The following PRKN variants were observed in gnomAD, a reference collection of about 807,000 sequenced individuals.
The protein encoded by PRKN is E3 ubiquitin-protein ligase parkin.
Under a neutral mutation model 59.5 loss-of-function variants are expected in PRKN, and 56 were observed. The observed-to-expected ratio is 0.94, with a 90% confidence interval of 0.76 to 1.18. The LOEUF (loss-of-function observed/expected upper bound fraction) is 1.18. PRKN is among the 50% of genes most tolerant of loss of function. PRKN has a pLI of 0.00. For missense variants in PRKN, 657 were observed against 596.4 expected (o/e 1.10, Z -1.06); for synonymous variants, 250 against 222.1 (o/e 1.13, Z -1.12).
At chr6:162,393,021 C>T (rs1164844577) in intron 2 of PRKN, among the ~76,000 whole-genome samples, 1 of 152,084 alleles carries the variant, frequency 6.6e-6, no homozygotes, top group Non-Finnish European at 1.5e-5. Context: ...TTGGCTCAAG[C>T]TCTGCGCATC....
chr6:161,569,194 G>C (rs1020381329), intron 8 of PRKN, among the ~76,000 whole-genome samples, 161 bp downstream of exon 8: 8 of 152,180 alleles, frequency 5.3e-5, no homozygotes, highest in African/African-American at 1.9e-4. Context: ...GGATAGAAGA[G>C]GAAAAAAGTG....
chr6:161,564,906 G>A (rs772643357), intron 8 of PRKN, among the ~76,000 whole-genome samples: 9 of 152,280 alleles, frequency 5.9e-5, no homozygotes, highest in East Asian at 1.9e-4. Flanking sequence ...CTCTGACCTC[G>A]TCGGTGCTGA....
intron 7 of PRKN, among the ~76,000 whole-genome samples, chr6:161,614,290 C>A (rs115047734): frequency 6.6e-6 from 1 of 152,156 alleles, no homozygotes; most frequent in African/African-American, 2.4e-5. Context: ...ACCCTCTTTA[C>A]AATTCTGCCT....
rs148503533 is a variant in PRKN, at chr6:161,576,518, T to TA, written c.872-7103dup. Among the ~76,000 whole-genome samples, 471 of 152,272 alleles carry TA rather than the reference T, an allele frequency of 3.1e-3. 23 individuals are homozygous for TA. The East Asian group carries it at 0.082, about 26-fold the overall frequency. On this transcript the variant is annotated intron_variant, in intron 7 of 11. Coordinates refer to ENST00000366898, the MANE Select transcript of PRKN (RefSeq NM_004562.3). The surrounding 1 kb of genome is among the most constrained non-coding windows in gnomAD (Gnocchi z 4.6). ...AAATGACCATCAACAGAAGAAGAGA[T>TA]AAAATCATTCAACAAATAGCCATTG...
At chr6:161,670,880 A>G (rs1471206922) in intron 7 of PRKN, among the ~76,000 whole-genome samples, 2 of 152,100 alleles carry the variant, frequency 1.3e-5, no homozygotes, top group African/African-American at 4.8e-5. Context: ...CAAATCCAGT[A>G]TGACCTTATC....
rs536516010 is a variant in PRKN, at chr6:162,436,262, A to C, written c.171+7048T>G. Among the ~76,000 whole-genome samples the C allele has an allele frequency of 2.6e-5, 4 of 152,024 alleles. No individual in the cohort carries two copies. The East Asian group carries it at 5.8e-4, about 22-fold the overall frequency. ...TTCAATAAATTTAGTTCAGAAATGA[A>C]GCCATTACATCCCTAAATTCTATTA... is the stretch of plus-strand genomic sequence containing the variant. On this transcript the variant is annotated intron_variant, in intron 2 of 11. Coordinates refer to ENST00000366898, the MANE Select transcript of PRKN (RefSeq NM_004562.3).
chr6:161,937,689 A>C (rs1033832959), intron 6 of PRKN, among the ~76,000 whole-genome samples: 2 of 152,214 alleles, frequency 1.3e-5, no homozygotes, highest in African/African-American at 4.8e-5. Flanking sequence ...CAGATTATTA[A>C]TCTAAGATCC....
At chr6:162,336,760 G>C (rs1175266352) in intron 2 of PRKN, among the ~76,000 whole-genome samples, 2 of 152,186 alleles carry the variant, frequency 1.3e-5, no homozygotes, top group African/African-American at 4.8e-5. Flanking sequence ...GGCTTGAGGT[G>C]GTTGGCCTAA....
intron 2 of PRKN, among the ~76,000 whole-genome samples, chr6:162,328,601 A>G (rs1038158861): frequency 1.3e-5 from 2 of 152,222 alleles, no homozygotes. Flanking sequence ...GACGTATCTT[A>G]TAAGTGCTGA....
At chr6:162,358,288 T>A (rs1234636519) in intron 2 of PRKN, among the ~76,000 whole-genome samples, 1 of 152,168 alleles carries the variant, frequency 6.6e-6, no homozygotes, top group African/African-American at 2.4e-5. Context: ...TTTTTCGAAA[T>A]CTTTATTTTT....
intron 1 of PRKN, among the ~76,000 whole-genome samples, chr6:162,612,045 T>G (rs1209421381): frequency 1.4e-5 from 2 of 147,878 alleles, no homozygotes; most frequent in South Asian, 2.2e-4. Flanking sequence ...AAAAAAAAAT[T>G]AGCTGGGCGT....
chr6:161,434,090 T>C (rs987426821), intron 9 of PRKN, among the ~76,000 whole-genome samples: 1 of 152,184 alleles, frequency 6.6e-6, no homozygotes, highest in Non-Finnish European at 1.5e-5. Flanking sequence ...GGTAAAATTT[T>C]ATGATGGACT....
intron 5 of PRKN, among the ~76,000 whole-genome samples, chr6:162,006,565 ACTC>A (rs1476735735): frequency 6.6e-6 from 1 of 151,726 alleles, no homozygotes; most frequent in African/African-American, 2.4e-5. Context: ...TCTGCACTCC[ACTC>A]CTGTCTGCCC....
At chr6:161,793,304 T>A (rs1790711126) in intron 6 of PRKN, among the ~76,000 whole-genome samples, 1 of 152,140 alleles carries the variant, frequency 6.6e-6, no homozygotes. Context: ...CTGAATCAGC[T>A]CACTAACTAC....
chr6:162,191,754 T>C (rs1784285356), intron 4 of PRKN, among the ~76,000 whole-genome samples: 1 of 151,418 alleles, frequency 6.6e-6, no homozygotes, highest in African/African-American at 2.4e-5. Flanking sequence ...GAATTATCTG[T>C]TTTATATAGA....
intron 5 of PRKN, among the ~76,000 whole-genome samples, chr6:162,051,517 T>C (rs1034696782): frequency 6.6e-6 from 1 of 152,070 alleles, no homozygotes; most frequent in Non-Finnish European, 1.5e-5. Context: ...TCAGGAACAA[T>C]GTGTTCCTGC....
At chr6:161,841,557 C>T (rs1447888199) in intron 6 of PRKN, among the ~76,000 whole-genome samples, 3 of 152,122 alleles carry the variant, frequency 2.0e-5, no homozygotes, top group African/African-American at 7.2e-5. Flanking sequence ...ACCATGTTGG[C>T]CAGGCTGGTC....
chr6:161,705,909 G>A (rs577251958), intron 7 of PRKN, among the ~76,000 whole-genome samples: 14 of 151,980 alleles, frequency 9.2e-5, no homozygotes, highest in East Asian at 5.8e-4. Context: ...AGCTCCAACC[G>A]TGTCATTATT....
At chr6:162,514,967 AAG>A (rs1777782966) in intron 1 of PRKN, among the ~76,000 whole-genome samples, 1 of 152,222 alleles carries the variant, frequency 6.6e-6, no homozygotes, top group Non-Finnish European at 1.5e-5. Flanking sequence ...GCAAAATTGC[AAG>A]AGTGATATAC....
Sources: allele counts gnomAD v4.1 joint callset (sites outside exome capture counted in the v4.1 genomes callset), GRCh38; gene constraint gnomAD v4.1.1; non-coding constraint Gnocchi (gnomAD v3.1); transcripts MANE v1.5; gene names NCBI Gene and HGNC (gene_info 2026-07-23, HGNC 2026-07-21).